Variants in PTPRD observed in about 807,000 individuals in gnomAD.
PTPRD encodes receptor-type tyrosine-protein phosphatase delta.
Under a neutral mutation model 214.5 loss-of-function variants are expected in PTPRD, and 34 were observed. That is an observed-to-expected ratio of 0.16 (90% CI 0.12 to 0.21). The LOEUF is 0.21. Among genes scored for constraint, PTPRD ranks in the 10% least tolerant of loss-of-function variants. PTPRD has a pLI of 1.00. For synonymous variants in PTPRD, 1,128 were observed against 845.7 expected, an observed-to-expected ratio of 1.33 and a Z score of -5.79; for missense variants, 2,545 against 2,398.7, an observed-to-expected ratio of 1.06 and a Z score of -1.27.
intron 9 of PTPRD, among the ~76,000 whole-genome samples, chr9:9,222,666 C>A (rs2099956886): frequency 6.6e-6 from 1 of 151,816 alleles, no homozygotes. Flanking sequence ...TTATCTTTGC[C>A]AATGAGAAAC....
chr9:9,928,609 T>A (rs2085184861), intron 5 of PTPRD, among the ~76,000 whole-genome samples: 1 of 151,974 alleles, frequency 6.6e-6, no homozygotes, highest in Admixed American at 6.6e-5. Flanking sequence ...CATGGAAAAA[T>A]CCATTACTAC....
chr9:9,622,090 T>C (rs1236253837), intron 7 of PTPRD, among the ~76,000 whole-genome samples: 2 of 152,148 alleles, frequency 1.3e-5, no homozygotes, highest in East Asian at 1.9e-4. Context: ...AGACTCTACA[T>C]AGAAAGTATT....
intron 12 of PTPRD, among the ~76,000 whole-genome samples, chr9:8,730,285 G>T (rs149736378): frequency 9.5e-4 from 145 of 152,144 alleles, no homozygotes; most frequent in African/African-American, 3.3e-3. Context: ...AAGAAATATT[G>T]CGAGTATATA....
At chr9:9,022,795 C>G (rs777914405) in intron 10 of PTPRD, among the ~76,000 whole-genome samples, 4 of 152,104 alleles carry the variant, frequency 2.6e-5, no homozygotes, top group African/African-American at 9.7e-5. Context: ...CTGAAAGTAG[C>G]TGCAAAATCT....
intron 11 of PTPRD, among the ~76,000 whole-genome samples, chr9:8,795,358 C>T (rs10120008): frequency 6.6e-6 from 1 of 151,724 alleles, no homozygotes; most frequent in Non-Finnish European, 1.5e-5. Context: ...GTAGAGACAG[C>T]GTTTCACCAC....
chr9:9,397,386 A>G (rs577906754), intron 9 of PTPRD, 63 bp downstream of exon 9: 2 of 152,314 alleles, frequency 1.3e-5, no homozygotes, highest in African/African-American at 4.8e-5. Flanking sequence ...GTAAAATAAA[A>G]CCTTTAGAAT....
intron 12 of PTPRD, among the ~76,000 whole-genome samples, chr9:8,682,242 T>C (rs1424218070): frequency 6.6e-6 from 1 of 152,210 alleles, no homozygotes; most frequent in Non-Finnish European, 1.5e-5. Context: ...TAAATAAGAA[T>C]GTAAATTTAT....
intron 39 of PTPRD, among the ~76,000 whole-genome samples, chr9:8,370,060 G>T (rs1373806486): frequency 6.6e-6 from 1 of 152,062 alleles, no homozygotes. Flanking sequence ...CTAAGTGGAA[G>T]ACTAAGACGA....
intron 2 of PTPRD, among the ~76,000 whole-genome samples, chr9:10,594,968 C>T (rs566128934): frequency 5.3e-5 from 8 of 151,790 alleles, no homozygotes; most frequent in Non-Finnish European, 1.0e-4. Flanking sequence ...GGTGGGGCAA[C>T]TTCGGAGACA....
chr9:8,616,095 C>G (rs1254077061), intron 14 of PTPRD, among the ~76,000 whole-genome samples: 3 of 152,110 alleles, frequency 2.0e-5, no homozygotes, highest in Non-Finnish European at 4.4e-5. Flanking sequence ...CTTTTAAAGT[C>G]ATACAAGTGA....
intron 9 of PTPRD, among the ~76,000 whole-genome samples, chr9:9,361,462 T>C (rs186472706): frequency 7.7e-4 from 117 of 151,244 alleles, no homozygotes; most frequent in African/African-American, 2.8e-3. Flanking sequence ...GATTACCTTG[T>C]TCATAGTGTT....
chr9:10,346,075 T>C (rs990428041), intron 2 of PTPRD, among the ~76,000 whole-genome samples: 2 of 152,196 alleles, frequency 1.3e-5, no homozygotes, highest in Non-Finnish European at 2.9e-5. Flanking sequence ...TTTAAGCAAT[T>C]ATATTGAAAC....
intron 3 of PTPRD, among the ~76,000 whole-genome samples, chr9:10,283,833 C>G (rs1050993716): frequency 5.3e-5 from 8 of 152,156 alleles, no homozygotes; most frequent in African/African-American, 1.9e-4. Context: ...GTGTGCAGAT[C>G]TTTTAGTTAT....
intron 8 of PTPRD, among the ~76,000 whole-genome samples, chr9:9,431,188 A>AACTT (rs2082956845): frequency 6.6e-6 from 1 of 152,172 alleles, no homozygotes; most frequent in Non-Finnish European, 1.5e-5. Flanking sequence ...ATCTACAAAG[A>AACTT]ACTTAAACAA....
chr9:8,664,504 A>G (rs1354646238), intron 12 of PTPRD, among the ~76,000 whole-genome samples: 1 of 152,208 alleles, frequency 6.6e-6, no homozygotes, highest in Non-Finnish European at 1.5e-5. Context: ...GAAGCATGGA[A>G]AAACAAGCCT....
At chr9:8,462,373 A>G (rs1388319869) in intron 32 of PTPRD, among the ~76,000 whole-genome samples, 2 of 151,868 alleles carry the variant, frequency 1.3e-5, no homozygotes, top group African/African-American at 2.4e-5. Flanking sequence ...ATGTGCTCCT[A>G]ACTATACCAA....
intron 11 of PTPRD, among the ~76,000 whole-genome samples, chr9:9,015,229 T>G (rs189872728): frequency 6.6e-6 from 1 of 152,234 alleles, no homozygotes; most frequent in East Asian, 1.9e-4. Context: ...CTGGGCTGTA[T>G]TCTCAGAGGG....
chr9:9,662,705 T>C (rs984544209), intron 7 of PTPRD, among the ~76,000 whole-genome samples: 1 of 151,662 alleles, frequency 6.6e-6, no homozygotes, highest in African/African-American at 2.4e-5. Context: ...TAAAAATAAC[T>C]AGACAACACA....
At chr9:8,477,026 A>G (rs1419204652) in intron 30 of PTPRD, among the ~76,000 whole-genome samples, 1 of 152,134 alleles carries the variant, frequency 6.6e-6, no homozygotes, top group Non-Finnish European at 1.5e-5. Flanking sequence ...GAAAGATAAG[A>G]TGATTCATAT....
Sources: allele counts gnomAD v4.1 joint callset (sites outside exome capture counted in the v4.1 genomes callset), GRCh38; gene constraint gnomAD v4.1.1; transcripts MANE v1.5; gene names NCBI Gene and HGNC (gene_info 2026-07-23, HGNC 2026-07-21).